The following NTRK3 variants were observed in gnomAD, a reference collection of about 807,000 sequenced individuals.
NTRK3 encodes the protein NT-3 growth factor receptor.
A neutral mutation model predicts 91.7 loss-of-function variants in NTRK3; 24 were observed. That is an observed-to-expected ratio of 0.26 (90% CI 0.19 to 0.37). The LOEUF is 0.37. Among genes scored for constraint, NTRK3 ranks in the 10% least tolerant of loss-of-function variants. The probability of loss-of-function intolerance (pLI) is 1.00; values close to 1 mark genes in which losing one functional copy is unlikely to be tolerated. For synonymous variants in NTRK3, 483 were observed against 404.0 expected (o/e 1.20, Z -2.34); for missense variants, 880 against 1,068.9 (o/e 0.82, Z 2.46).
At chr15:88,003,391 A>G (rs988235386) in intron 14 of NTRK3, among the ~76,000 whole-genome samples, 9 of 152,222 alleles carry the variant, frequency 5.9e-5, no homozygotes, top group African/African-American at 2.2e-4. Context: ...AAAATTCTTG[A>G]CTGGCATGAT....
At chr15:87,979,326 G>A in intron 14 of NTRK3, 1 of 1,544,038 alleles carries the variant, frequency 6.5e-7, no homozygotes, top group Non-Finnish European at 9.0e-7. Flanking sequence ...ATCAAAACAA[G>A]GAGGCTTAAA....
At chr15:87,879,334 T>C (rs898099257) in intron 18 of NTRK3, among the ~76,000 whole-genome samples, 12 of 152,206 alleles carry the variant, frequency 7.9e-5, no homozygotes, top group African/African-American at 2.7e-4. Flanking sequence ...GGATGTTTCA[T>C]AGGTCGACTG....
In NTRK3 at chr15:87,942,078, T is replaced by C. The variant is rs115915864; in HGVS notation, c.1586-1325A>G. On this transcript the variant is annotated intron_variant, in intron 14 of 18. Coordinates refer to ENST00000394480, the Ensembl canonical transcript of NTRK3. ...CATGGCTGGAAGCCTTGGGGTAGTG[T>C]TTTTTTGGTTTGGGGATTCCTTTAA... 1.8e-3 allele frequency among the ~76,000 whole-genome samples: 268 copies of C among 152,094 alleles called. 2 individuals carry two copies. Among genetic ancestry groups the C allele is most frequent in the African/African-American group, 6.2e-3 (255 of 41,418 alleles).
intron 17 of NTRK3, chr15:87,926,565 C>T (rs940446372): frequency 6.6e-6 from 1 of 152,196 alleles, no homozygotes; most frequent in African/African-American, 2.4e-5. Flanking sequence ...TACCCTGGCA[C>T]CTACAGAAAT....
intron 17 of NTRK3, among the ~76,000 whole-genome samples, chr15:87,924,429 C>T (rs1384836603): frequency 6.6e-6 from 1 of 152,152 alleles, no homozygotes; most frequent in African/African-American, 2.4e-5. Flanking sequence ...TGCCTTACTA[C>T]CTGCTGCCAG....
In NTRK3 at chr15:88,159,704, T is replaced by C. The variant is rs143944136; in HGVS notation, c.396-12301A>G. Among the ~76,000 whole-genome samples the C allele has an allele frequency of 2.8e-3, 427 of 152,266 alleles. 3 individuals are homozygous for C. In the Middle Eastern group the frequency reaches 0.031, roughly 11 times the overall value. ...CTGTCAGGGAGCCGAGGGATGCCTG[T>C]GCAGGCTCCTGGGAACAAATGCCAT... On this transcript the variant is annotated intron_variant, in intron 5 of 18. Transcript: ENST00000394480.
intron 14 of NTRK3, among the ~76,000 whole-genome samples, chr15:88,025,191 T>C (rs1478459595): frequency 6.6e-6 from 1 of 152,238 alleles, no homozygotes; most frequent in African/African-American, 2.4e-5. Flanking sequence ...TCACTTGGTA[T>C]AACCATTCAC....
chr15:87,948,254 C>G (rs947664066), intron 14 of NTRK3, among the ~76,000 whole-genome samples: 30 of 152,146 alleles, frequency 2.0e-4, no homozygotes, highest in Non-Finnish European at 1.5e-5. Flanking sequence ...CAGAGCCATC[C>G]CTGGATGATT....
rs542252470 is a variant in NTRK3 at position 88,087,623 on chromosome 15, C to T, written c.1396+38648G>A. Among the ~76,000 whole-genome samples, 4 of 152,356 alleles carry T rather than the reference C, an allele frequency of 2.6e-5. No homozygotes were observed. The East Asian group carries it at 7.7e-4, about 29-fold the overall frequency. On this transcript the variant is annotated intron_variant, in intron 13 of 18. Coordinates refer to ENST00000394480, the Ensembl canonical transcript of NTRK3. ...TGAGAGAGCTGAAGGAGGCACCATACATGGACTTATGAGGGCTTCCCACAA... is the reference window on the plus strand; with the variant it reads ...TGAGAGAGCTGAAGGAGGCACCATATATGGACTTATGAGGGCTTCCCACAA...
chr15:88,024,087 T>C (rs1037669169), intron 14 of NTRK3, among the ~76,000 whole-genome samples: 3 of 152,240 alleles, frequency 2.0e-5, no homozygotes, highest in Non-Finnish European at 2.9e-5. Context: ...ACAGGCTCTG[T>C]GCTCCCCACC....
chr15:88,131,099 T>C (rs2041288780), intron 10 of NTRK3, among the ~76,000 whole-genome samples: 1 of 152,236 alleles, frequency 6.6e-6, no homozygotes, highest in African/African-American at 2.4e-5. Context: ...ACCTTAGAGT[T>C]TCTAATTCAG....
intron 14 of NTRK3, among the ~76,000 whole-genome samples, chr15:87,976,968 C>T (rs2073777602): frequency 1.5e-5 from 2 of 136,454 alleles, no homozygotes; most frequent in Admixed American, 1.5e-4. Context: ...GAGAAGATTT[C>T]TGTGAGCCTT....
rs12592437 is a variant in NTRK3, at chr15:87,964,256, G to A, written c.1586-23503C>T. ...GTGCTAGGAACAACTTGCCAATGAG[G>A]AACAGGTGTAAAAAAGGGGAGTGCT... On this transcript the variant is annotated intron_variant, in intron 14 of 18. Transcript: ENST00000394480. Among the ~76,000 whole-genome samples the A allele has an allele frequency of 1.9e-4, 29 of 152,120 alleles. 1 individual carries two copies. In the East Asian group the frequency reaches 5.2e-3, roughly 27 times the overall value.
At chr15:88,138,999 G>A (rs763697642) in intron 6 of NTRK3, among the ~76,000 whole-genome samples, 30 of 152,168 alleles carry the variant, frequency 2.0e-4, no homozygotes, top group Non-Finnish European at 4.1e-4. Flanking sequence ...AGCCCATCCT[G>A]GGACCAGCTT....
chr15:87,860,556 A>T (rs1304773011), exon 19 of NTRK3: 2 of 202,588 alleles, frequency 9.9e-6, no homozygotes, highest in Non-Finnish European at 2.0e-5. Context: ...CCAAAGGCAA[A>T]TGCAGTCATC....
At chr15:88,116,679 C>G (rs977703248) in intron 13 of NTRK3, among the ~76,000 whole-genome samples, 1 of 152,212 alleles carries the variant, frequency 6.6e-6, no homozygotes, top group Non-Finnish European at 1.5e-5. Context: ...TGACTCGCAG[C>G]CTTCCCCAGA....
At chr15:87,996,736 G>A (rs528141099) in intron 14 of NTRK3, among the ~76,000 whole-genome samples, 2 of 152,330 alleles carry the variant, frequency 1.3e-5, no homozygotes, top group South Asian at 4.1e-4. Flanking sequence ...GGCTCTTCCA[G>A]CCAGGCATGG....
intron 14 of NTRK3, among the ~76,000 whole-genome samples, chr15:88,003,323 G>C (rs1373066819): frequency 6.6e-6 from 1 of 152,196 alleles, no homozygotes; most frequent in Non-Finnish European, 1.5e-5. Context: ...GTCCTTTCCA[G>C]CAGAGCCAAG....
intron 5 of NTRK3, among the ~76,000 whole-genome samples, chr15:88,183,012 A>AAC (rs2046628895): frequency 8.3e-6 from 1 of 119,884 alleles, no homozygotes; most frequent in African/African-American, 3.1e-5. Context: ...TCTTCTTGCA[A>AAC]CCCCCCCCCG....
Sources: allele counts gnomAD v4.1 joint callset (sites outside exome capture counted in the v4.1 genomes callset), GRCh38; gene constraint gnomAD v4.1.1; transcripts MANE v1.5; gene names NCBI Gene and HGNC (gene_info 2026-07-23, HGNC 2026-07-21).